The following CEP85L variants were observed in gnomAD, a reference collection of about 807,000 sequenced individuals.
The protein encoded by CEP85L is centrosomal protein 85L.
In CEP85L, 60 loss-of-function variants were observed where a neutral mutation model predicts 100.3. The observed-to-expected ratio is 0.60, with a 90% CI of 0.49 to 0.74. The LOEUF is 0.74. Among genes scored for constraint, CEP85L ranks in the 30% least tolerant of loss-of-function variants. CEP85L has a pLI of 0.00. For missense variants in CEP85L, 973 were observed against 936.2 expected, an observed-to-expected ratio of 1.04 and a Z score of -0.51; for synonymous variants, 319 against 322.7, an observed-to-expected ratio of 0.99 and a Z score of 0.12.
At position 118,684,901 on chromosome 6, in the gene CEP85L, C is replaced by T. The variant is rs557476364; in HGVS notation, c.-28+25135G>A. ...TGCTGGGCTCAAGTGATCCTCCCAC[C>T]TCGGCCTCCCAAAGTGCTGGGATTA... On this transcript the variant is annotated intron_variant, in intron 1 of 13. Coordinates refer to the CEP85L transcript ENST00000368488. Among the ~76,000 whole-genome samples, 15 of 152,316 alleles carry T rather than the reference C, an allele frequency of 9.8e-5. No homozygotes were observed. In the South Asian group the frequency reaches 2.3e-3, roughly 23 times the overall value.
intron 5 of CEP85L, among the ~76,000 whole-genome samples, chr6:118,497,280 T>C (rs2114640572): frequency 6.6e-6 from 1 of 152,250 alleles, no homozygotes; most frequent in East Asian, 1.9e-4. Flanking sequence ...AAAGCCTGCT[T>C]CCATTTCCAA....
At chr6:118,638,030 C>T (rs1467179556) in intron 1 of CEP85L, among the ~76,000 whole-genome samples, 1 of 151,998 alleles carries the variant, frequency 6.6e-6, no homozygotes, top group Non-Finnish European at 1.5e-5. Flanking sequence ...TACTCCCATA[C>T]ACTGATAATG....
intron 7 of CEP85L, 145 bp downstream of exon 7, chr6:118,483,561 C>CT: frequency 1.5e-6 from 1 of 665,724 alleles, no homozygotes; most frequent in Admixed American, 2.9e-5. Context: ...CTTATGCATG[C>CT]TTAGATAAAC....
chr6:118,488,074 G>C (rs1212387355), intron 6 of CEP85L, among the ~76,000 whole-genome samples: 4 of 152,084 alleles, frequency 2.6e-5, no homozygotes, highest in African/African-American at 9.7e-5. Flanking sequence ...ACTGATTAGT[G>C]AGGGTCTTCT....
In CEP85L at chr6:118,565,779, CTA is replaced by C. The variant is rs765512207; in HGVS notation, c.768_769del (p.Tyr256Ter). 1.2e-6 allele frequency: 2 copies of C among 1,614,130 alleles called. No individual in the cohort carries two copies. The highest frequency in any genetic ancestry group is 8.5e-7 in the Non-Finnish European group (1 of 1,180,018). ...AATGGGCTTGCTTTCAGGTAAGGCA[CTA>C]TATGTCATGTCTACAGGCTGTCTCC... On this transcript the variant is annotated stop_gained and frameshift_variant, in exon 3 of 13. Coordinates refer to ENST00000368491, the MANE Select transcript of CEP85L (RefSeq NM_001042475.3). LOFTEE classifies it high-confidence loss of function.
intron 2 of CEP85L, among the ~76,000 whole-genome samples, chr6:118,595,432 T>C (rs1781413969): frequency 6.6e-6 from 1 of 152,218 alleles, no homozygotes; most frequent in Non-Finnish European, 1.5e-5. Flanking sequence ...CAATGGTAAG[T>C]CTAGAATAAT....
chr6:118,561,896 G>A (rs1199133673), intron 3 of CEP85L, among the ~76,000 whole-genome samples: 1 of 152,070 alleles, frequency 6.6e-6, no homozygotes, highest in Admixed American at 6.5e-5. Context: ...ACTACATAGC[G>A]ATTATTTATC....
At chr6:118,567,245 GTGTGTATATATATA>G (rs1779594411) in intron 2 of CEP85L, among the ~76,000 whole-genome samples, 7 of 31,634 alleles carry the variant, frequency 2.2e-4, no homozygotes, top group African/African-American at 9.1e-4. Context: ...GTGTGTGTGT[GTGTGTATATATATA>G]TATATATATA....
intron 1 of CEP85L, among the ~76,000 whole-genome samples, chr6:118,701,330 TCAC>T (rs1455686809): frequency 6.6e-6 from 1 of 152,220 alleles, no homozygotes; most frequent in African/African-American, 2.4e-5. Context: ...ACTCATATGT[TCAC>T]CACAGCACTA....
chr6:118,468,061 C>T (rs71559829), intron 12 of CEP85L, among the ~76,000 whole-genome samples: 2,619 of 152,276 alleles, frequency 0.017, 32 homozygotes, highest in Non-Finnish European at 0.028. Flanking sequence ...ATGTTTACTC[C>T]GTGAGTGAAT....
intron 1 of CEP85L, among the ~76,000 whole-genome samples, chr6:118,692,984 A>T (rs1273524512): frequency 6.6e-6 from 1 of 152,220 alleles, no homozygotes; most frequent in Non-Finnish European, 1.5e-5. Context: ...AATTGGGCCT[A>T]AAAAAGAGGC....
upstream of CEP85L, among the ~76,000 whole-genome samples, chr6:118,653,426 T>TA (rs201215316): frequency 0.014 from 2,168 of 152,330 alleles, 32 homozygotes; most frequent in Middle Eastern, 0.048. Context: ...CCATTTCTTT[T>TA]AATCATATGA....
intron 1 of CEP85L, among the ~76,000 whole-genome samples, chr6:118,692,183 G>T (rs1777066067): frequency 6.6e-6 from 1 of 152,138 alleles, no homozygotes; most frequent in South Asian, 2.1e-4. Context: ...AGAAAGGAAG[G>T]AAAGAGCCCT....
At chr6:118,475,095 T>C (rs1204604209) in intron 10 of CEP85L, among the ~76,000 whole-genome samples, 1 of 151,876 alleles carries the variant, frequency 6.6e-6, no homozygotes, top group African/African-American at 2.4e-5. Context: ...TGGTCAAGAG[T>C]CACAGAAGAC....
chr6:118,614,760 G>A lies in CEP85L; in HGVS notation c.232+17693C>T, dbSNP rs540448382. On this transcript the variant is annotated intron_variant, in intron 2 of 12. Coordinates refer to ENST00000368491, the MANE Select transcript of CEP85L (RefSeq NM_001042475.3). ...GGAGGCTGAGGCAGGAGAATTGCTTGGACCCCGGAGGTGGAGGTTGCAGTG... is the reference window on the plus strand; with the variant it reads ...GGAGGCTGAGGCAGGAGAATTGCTTAGACCCCGGAGGTGGAGGTTGCAGTG... Among the ~76,000 whole-genome samples the A allele has an allele frequency of 7.9e-5, 12 of 152,306 alleles. No individual in the cohort carries two copies. In the South Asian group the frequency reaches 2.5e-3, roughly 32 times the overall value.
chr6:118,596,354 C>T (rs766300935), intron 2 of CEP85L, among the ~76,000 whole-genome samples: 3 of 152,092 alleles, frequency 2.0e-5, no homozygotes, highest in Admixed American at 1.3e-4. Flanking sequence ...TGGTTATTTT[C>T]CTGAGTGCTT....
chr6:118,554,736 A>G (rs529509894), intron 3 of CEP85L, among the ~76,000 whole-genome samples: 1 of 152,356 alleles, frequency 6.6e-6, no homozygotes, highest in East Asian at 1.9e-4. Context: ...GAAAGGTTTC[A>G]CTAGGAAGTG....
intron 3 of CEP85L, among the ~76,000 whole-genome samples, chr6:118,532,826 T>C (rs1239991016): frequency 6.6e-6 from 1 of 152,162 alleles, no homozygotes; most frequent in African/African-American, 2.4e-5. Context: ...ATGAAGCATG[T>C]TATAAATTGA....
At position 118,565,782 on chromosome 6, in the gene CEP85L, T is replaced by C. The variant is rs1779464085; in HGVS notation, c.767A>G (p.Tyr256Cys). ...GGGCTTGCTTTCAGGTAAGGCACTA[T>C]ATGTCATGTCTACAGGCTGTCTCCT... The part of the protein sequence containing the change: ...TLRRQPVDMT[Y>C]SALPESKPIM... The change falls in exon 3 of 13, where the codon TAT (tyrosine) becomes TGT (cysteine). Residue 256 changes from tyrosine (Y) to cysteine (C), a missense_variant. Tyr to Cys is a radical substitution (Grantham distance 194). Coordinates refer to ENST00000368491, the MANE Select transcript of CEP85L (RefSeq NM_001042475.3). 1.2e-6 allele frequency: 2 copies of C among 1,614,204 alleles called. No individual in the cohort carries two copies. The highest frequency in any genetic ancestry group is 8.5e-7 in the Non-Finnish European group (1 of 1,180,028).
Sources: gnomAD v4.1 joint callset for allele counts (sites outside exome capture counted in the v4.1 genomes callset) on GRCh38, gnomAD v4.1.1 for gene constraint, MANE v1.5 for transcripts, NCBI Gene and HGNC (gene_info 2026-07-23, HGNC 2026-07-21) for gene names.